Variants in PCDH15 observed in about 807,000 individuals in gnomAD.
PCDH15 encodes protocadherin related 15.
A neutral mutation model predicts 178.5 loss-of-function variants in PCDH15; 129 were observed. The observed-to-expected ratio is 0.72, with a 90% CI of 0.63 to 0.84. The LOEUF (loss-of-function observed/expected upper bound fraction) is 0.84, where lower values mean the gene tolerates loss of function less well. Ranked by LOEUF, PCDH15 falls within the 40% of genes least tolerant of loss-of-function variation. PCDH15 has a pLI of 0.00. For missense variants in PCDH15, 2,230 were observed against 2,099.9 expected (o/e 1.06, Z -1.21); for synonymous variants, 800 against 732.0 (o/e 1.09, Z -1.50).
At chr10:54,872,698 C>T (rs1163563882) in intron 3 of PCDH15, among the ~76,000 whole-genome samples, 1 of 151,906 alleles carries the variant, frequency 6.6e-6, no homozygotes, top group Non-Finnish European at 1.5e-5. Context: ...GCATCATGCT[C>T]GATATACTTA....
At chr10:55,390,168 T>A (rs1485845442) in intron 2 of PCDH15, among the ~76,000 whole-genome samples, 2 of 152,150 alleles carry the variant, frequency 1.3e-5, no homozygotes, top group African/African-American at 4.8e-5. Context: ...TATGGTTGCA[T>A]TATACTGTAG....
intron 20 of PCDH15, among the ~76,000 whole-genome samples, chr10:54,005,799 C>T (rs183563015): frequency 6.6e-6 from 1 of 152,046 alleles, no homozygotes; most frequent in Non-Finnish European, 1.5e-5. Context: ...AGAAATCCCA[C>T]TACTAGATAC....
intron 26 of PCDH15, among the ~76,000 whole-genome samples, chr10:53,876,324 A>C (rs952946222): frequency 3.9e-5 from 6 of 151,932 alleles, no homozygotes; most frequent in African/African-American, 1.5e-4. Flanking sequence ...AGTAGCTGGG[A>C]CTACGGGCAC....
chr10:54,333,047 G>T (rs775622546), intron 6 of PCDH15, among the ~76,000 whole-genome samples: 1 of 152,036 alleles, frequency 6.6e-6, no homozygotes, highest in Non-Finnish European at 1.5e-5. Flanking sequence ...GGGTTCAAGC[G>T]ATTCTCCTGC....
chr10:55,380,455 TC>T (rs1837506824), intron 2 of PCDH15, among the ~76,000 whole-genome samples: 1 of 152,198 alleles, frequency 6.6e-6, no homozygotes, highest in Non-Finnish European at 1.5e-5. Context: ...TGTCACTTTT[TC>T]AAGGATGTTA....
At chr10:54,207,367 TGTGTGTGTGTATG>T (rs1207476475) in intron 10 of PCDH15, among the ~76,000 whole-genome samples, 4 of 27,326 alleles carry the variant, frequency 1.5e-4, no homozygotes, top group South Asian at 3.1e-3. Context: ...TTTTGTTTTG[TGTGTGTGTGTATG>T]TGTGTGTGTG....
intron 2 of PCDH15, among the ~76,000 whole-genome samples, chr10:54,995,151 C>T (rs796940253): frequency 9.3e-4 from 141 of 151,894 alleles, no homozygotes; most frequent in African/African-American, 3.3e-3. Flanking sequence ...CCGAGGCGGG[C>T]GGATCACGAA....
At chr10:55,411,239 G>T (rs1422097215) in intron 2 of PCDH15, among the ~76,000 whole-genome samples, 24 of 152,122 alleles carry the variant, frequency 1.6e-4, no homozygotes, top group African/African-American at 5.5e-4. Context: ...CTGTAAAACT[G>T]TGCCCAGTGC....
At chr10:54,638,931 G>C (rs929284845) in intron 2 of PCDH15, among the ~76,000 whole-genome samples, 1 of 152,048 alleles carries the variant, frequency 6.6e-6, no homozygotes, top group Non-Finnish European at 1.5e-5. Context: ...AGTGAAGTAA[G>C]TCAGGAATAT....
intron 2 of PCDH15, among the ~76,000 whole-genome samples, chr10:55,623,043 A>G (rs1837439624): frequency 6.6e-6 from 1 of 152,144 alleles, no homozygotes; most frequent in Admixed American, 6.5e-5. Flanking sequence ...CCATATTTTC[A>G]AACATGTTCT....
chr10:54,356,720 G>A (rs1292499068), intron 5 of PCDH15, among the ~76,000 whole-genome samples: 1 of 151,878 alleles, frequency 6.6e-6, no homozygotes, highest in Non-Finnish European at 1.5e-5. Flanking sequence ...ACAGTTTAGA[G>A]GAGACTGAAG....
At chr10:54,049,656 T>C (rs1199558901) in intron 18 of PCDH15, among the ~76,000 whole-genome samples, 1 of 151,990 alleles carries the variant, frequency 6.6e-6, no homozygotes, top group Admixed American at 6.6e-5. Context: ...AGTCTCGCTC[T>C]GTCACCCAGG....
intron 1 of PCDH15, among the ~76,000 whole-genome samples, chr10:55,197,838 C>T (rs1382412160): frequency 1.3e-5 from 2 of 151,800 alleles, no homozygotes; most frequent in East Asian, 3.9e-4. Context: ...TTGAATGTAC[C>T]CATTGATAAG....
intron 2 of PCDH15, among the ~76,000 whole-genome samples, chr10:54,954,708 A>G (rs1039977396): frequency 2.6e-5 from 4 of 151,248 alleles, no homozygotes; most frequent in Non-Finnish European, 4.5e-5. Context: ...ACCAATTTTT[A>G]GCTCTGGTAG....
At chr10:54,804,156 C>A (rs1952735975), upstream of PCDH15, among the ~76,000 whole-genome samples, 1 of 152,142 alleles carries the variant, frequency 6.6e-6, no homozygotes, top group Admixed American at 6.5e-5. Flanking sequence ...TCTCCTGCCT[C>A]AGCCTCCGGA....
chr10:54,760,058 A>C (rs1400058406), intron 1 of PCDH15, among the ~76,000 whole-genome samples: 2 of 152,080 alleles, frequency 1.3e-5, no homozygotes, highest in Non-Finnish European at 2.9e-5. Context: ...GGCATAACTT[A>C]CATTTACTAA....
chr10:54,930,060 G>A (rs1336157996), intron 2 of PCDH15, among the ~76,000 whole-genome samples: 1 of 152,146 alleles, frequency 6.6e-6, no homozygotes, highest in African/African-American at 2.4e-5. Flanking sequence ...GGTGAATGCT[G>A]GCAGCTGTGC....
rs116151924 is a variant in PCDH15 at position 54,624,753 on chromosome 10, A to T, written c.91+39419T>A. ...CTCCTGTCAGATAAGCCACAGTATT[A>T]GATTCTCATAGTAGTGCAAACCTTA... is the stretch of plus-strand genomic sequence containing the variant. On this transcript the variant is annotated intron_variant, in intron 2 of 37. Transcript: ENST00000644397. Among the ~76,000 whole-genome samples, 585 of 152,290 alleles carry T rather than the reference A, an allele frequency of 3.8e-3. 1 individual carries two copies. Among genetic ancestry groups the T allele is most frequent in the African/African-American group, 0.014 (569 of 41,560 alleles).
chr10:55,034,184 CTG>C (rs1476166649), intron 2 of PCDH15, among the ~76,000 whole-genome samples: 6 of 152,116 alleles, frequency 3.9e-5, no homozygotes, highest in Non-Finnish European at 7.4e-5. Context: ...GATAAATACA[CTG>C]TATTTTCTTA....
Sources: allele counts gnomAD v4.1 joint callset (sites outside exome capture counted in the v4.1 genomes callset), GRCh38; gene constraint gnomAD v4.1.1; transcripts MANE v1.5; gene names NCBI Gene and HGNC (gene_info 2026-07-23, HGNC 2026-07-21).